The following RHPN1 variants were observed in gnomAD, a reference collection of about 807,000 sequenced individuals.
The protein encoded by RHPN1 is rhophilin-1.
In RHPN1, 77 loss-of-function variants were observed where a neutral mutation model predicts 74.7. That is an observed-to-expected ratio of 1.03 (90% CI 0.86 to 1.25). The LOEUF (loss-of-function observed/expected upper bound fraction) is 1.25. Among genes scored for constraint, RHPN1 ranks in the 50% most tolerant of loss-of-function variants. The pLI is 0.00. For missense variants in RHPN1, 987 were observed against 932.2 expected (o/e 1.06, Z -0.77); for synonymous variants, 444 against 414.5 (o/e 1.07, Z -0.87).
rs1818855052 is a variant in RHPN1 at position 143,383,177 on chromosome 8, G to A, written c.*526G>A. 2 of 177,092 alleles carry A rather than the reference G, an allele frequency of 1.1e-5. No individual in the cohort carries two copies. The highest frequency in any genetic ancestry group is 2.4e-5 in the African/African-American group (1 of 41,882). 11.0% of individuals were successfully genotyped at this position (177,092 alleles called of 1,614,324 possible). A position where few individuals can be genotyped will look rare whatever the true frequency, so the allele number is the denominator to read the frequency against. On this transcript the variant is annotated 3_prime_UTR_variant, in exon 15 of 15. Coordinates refer to ENST00000289013, the MANE Select transcript of RHPN1 (RefSeq NM_052924.3). ...CAAAATACTTCCTGCTGTCCTGTCT[G>A]TGCACAGAGCAAGGGACTCCCCACC...
rs754428801 is a variant in RHPN1 at position 143,381,703 on chromosome 8, A to G, written c.1620A>G (p.Pro540=). 1.2e-6 allele frequency: 2 copies of G among 1,610,880 alleles called. No homozygotes were observed. ...CTGTCCTCATCGCTGCCGTCATTCC[A>G]GGGAGCCAGGCCGCGGTAAGGGCCC... The part of the protein sequence containing the change: ...DSPVLIAAVI[P]GSQAAAAGLK... The change falls in exon 13 of 15, where the codon CCA becomes CCG. Residue 540 remains proline, a synonymous_variant. Coordinates refer to ENST00000289013, the MANE Select transcript of RHPN1 (RefSeq NM_052924.3).
In RHPN1 at chr8:143,380,825, A is replaced by G. The variant is rs754715397; in HGVS notation, c.1411+42A>G. On this transcript the variant is annotated intron_variant, in intron 11 of 14. Transcript: ENST00000289013. ...TGTCTGGGTGGCTGCATCCCTGGCC[A>G]GGGTGGGGGCCTTCGTCCTGGAGAA... 3.4e-6 allele frequency: 5 copies of G among 1,454,130 alleles called. No homozygotes were observed. In the South Asian group the frequency reaches 5.5e-5, roughly 16 times the overall value. 90.1% of individuals were successfully genotyped at this position (1,454,130 alleles called of 1,614,324 possible). A position where few individuals can be genotyped will look rare whatever the true frequency, so the allele number is the denominator to read the frequency against.
In RHPN1 at chr8:143,382,703, C is replaced by A; in HGVS notation, c.*52C>A. Reference sequence around the variant, plus strand: ...CCTGGCTCCAGCTGGCAGCAAGCACCGAGCATGCCCTCCCCACCCAGAGGA... The same window carrying A: ...CCTGGCTCCAGCTGGCAGCAAGCACAGAGCATGCCCTCCCCACCCAGAGGA... On this transcript the variant is annotated 3_prime_UTR_variant, in exon 15 of 15. Coordinates refer to ENST00000289013, the MANE Select transcript of RHPN1 (RefSeq NM_052924.3). The A allele has an allele frequency of 6.8e-7, 1 of 1,475,596 alleles. No homozygotes were observed. Among genetic ancestry groups the A allele is most frequent in the Admixed American group, 1.9e-5 (1 of 53,984 alleles). The allele number at this position is 1,475,596 out of a possible 1,614,324, so 91.4% of individuals were successfully genotyped here.
upstream of RHPN1, among the ~76,000 whole-genome samples, chr8:143,364,871 T>C (rs372764897): frequency 1.4e-4 from 21 of 152,330 alleles, no homozygotes; most frequent in African/African-American, 4.8e-4. The surrounding 1 kb of genome is among the most constrained non-coding windows in gnomAD (Gnocchi z 4.5). Flanking sequence ...AGATGATGCA[T>C]TGGTGGCTAT....
At chr8:143,381,384 G>A (rs766475791) in intron 12 of RHPN1, 40 bp downstream of exon 12, 2 of 1,566,068 alleles carry the variant, frequency 1.3e-6, no homozygotes, top group Admixed American at 1.8e-5. Context: ...AGCATGGGCA[G>A]CTTGGGCTGT....
At chr8:143,366,636 A>C (rs1817562274), upstream of RHPN1, 1 of 152,174 alleles carries the variant, frequency 6.6e-6, no homozygotes, top group Non-Finnish European at 1.5e-5. Flanking sequence ...ATAAATAAAT[A>C]AAGAAAATAG....
intron 4 of RHPN1, among the ~76,000 whole-genome samples, chr8:143,377,765 C>T (rs1167371500): frequency 1.3e-5 from 2 of 152,204 alleles, no homozygotes; most frequent in East Asian, 3.9e-4. Context: ...CCAGCCGGAG[C>T]ACAGGGTACA....
In RHPN1 at chr8:143,368,964, A is replaced by ACCCCCAGCGC; in HGVS notation, c.-23_-14dup. On this transcript the variant is annotated 5_prime_UTR_variant, in exon 1 of 15. Transcript: ENST00000289013. ...GCGGCGGGCTGGCTGACCCCGAGGG[A>ACCCCCAGCGC]CCCCCAGCGCAGCGGGTGCGGCGAT... is the stretch of plus-strand genomic sequence containing the variant. The ACCCCCAGCGC allele has an allele frequency of 6.8e-7, 1 of 1,462,282 alleles. No homozygotes were observed. The highest frequency in any genetic ancestry group is 1.5e-5 in the African/African-American group (1 of 67,030). 90.6% of individuals were successfully genotyped at this position (1,462,282 alleles called of 1,614,324 possible). A position where few individuals can be genotyped will look rare whatever the true frequency, so the allele number is the denominator to read the frequency against.
At position 143,378,356 on chromosome 8, in the gene RHPN1, T is replaced by TCCCCA; in HGVS notation, c.459+14_459+15insACCCC. 5 of 1,525,440 alleles carry TCCCCA rather than the reference T, an allele frequency of 3.3e-6. No homozygotes were observed. The highest frequency in any genetic ancestry group is 1.2e-5 in the South Asian group (1 of 83,568). The allele number at this position is 1,525,440 out of a possible 1,614,324, so 94.5% of individuals were successfully genotyped here. On this transcript the variant is annotated intron_variant, in intron 5 of 14. Coordinates refer to ENST00000289013, the MANE Select transcript of RHPN1 (RefSeq NM_052924.3). ...GGAGGCCCTGCGGCAGGTGTGTGGTTCCCCCGCCCACCCACCCTCCTGCAG... is the reference window on the plus strand; with the variant it reads ...GGAGGCCCTGCGGCAGGTGTGTGGTTCCCCACCCCCGCCCACCCACCCTCCTGCAG...
chr8:143,371,871 C>G (rs1329251153), intron 1 of RHPN1, among the ~76,000 whole-genome samples: 1 of 152,198 alleles, frequency 6.6e-6, no homozygotes, highest in Non-Finnish European at 1.5e-5. Flanking sequence ...GCCTGAACGC[C>G]TGTGTCTATG....
At chr8:143,364,397 G>C (rs1415095047), upstream of RHPN1, among the ~76,000 whole-genome samples, 1 of 150,236 alleles carries the variant, frequency 6.7e-6, no homozygotes, top group Non-Finnish European at 1.5e-5. The surrounding 1 kb of genome is among the most constrained non-coding windows in gnomAD (Gnocchi z 4.5). Context: ...AGCCTGGGAA[G>C]GTCCCTCAGC....
chr8:143,380,390 TG>T, intron 10 of RHPN1, 198 bp from the exon 11 acceptor site: 1 of 650,810 alleles, frequency 1.5e-6, no homozygotes, highest in Non-Finnish European at 2.6e-6. Flanking sequence ...GGGAGACCAC[TG>T]GGAGCAGCTC....
At chr8:143,376,952 GTGTC>G (rs939861065) in intron 3 of RHPN1, among the ~76,000 whole-genome samples, 20 of 146,472 alleles carry the variant, frequency 1.4e-4, no homozygotes, top group South Asian at 1.0e-3. Context: ...CTCTGTGCGT[GTGTC>G]TGTGTGCACG....
At chr8:143,378,402 G>A (rs1818437406) in intron 5 of RHPN1, 56 bp downstream of exon 5, 2 of 1,116,234 alleles carry the variant, frequency 1.8e-6, no homozygotes, top group African/African-American at 1.7e-5. Flanking sequence ...CACATGCGGA[G>A]GCTGAAGCTG....
intron 8 of RHPN1, 140 bp downstream of exon 8, chr8:143,379,648 G>T (rs1001381928): frequency 2.1e-5 from 31 of 1,444,026 alleles, no homozygotes; most frequent in Non-Finnish European, 2.7e-5. Flanking sequence ...TCCCTGGGGG[G>T]GCTGGTCAGG....
Position 143,377,473 on chromosome 8 carries a change from A to G in RHPN1, c.381+18A>G. 1 of 1,597,962 alleles carries G rather than the reference A, an allele frequency of 6.3e-7. No individual in the cohort carries two copies. The highest frequency in any genetic ancestry group is 1.3e-5 in the African/African-American group (1 of 74,674). Reference sequence around the variant, plus strand: ...CGCTGAAGGTAGGTACTGGCCTCCAAGCTCTGAGATACACGGCCCTGCCCT... The same window carrying G: ...CGCTGAAGGTAGGTACTGGCCTCCAGGCTCTGAGATACACGGCCCTGCCCT... On this transcript the variant is annotated intron_variant, in intron 4 of 14. Transcript: ENST00000289013.
Position 143,378,771 on chromosome 8 carries a change from G to A in RHPN1, c.535G>A (p.Asp179Asn). Residue 179 changes from aspartate to asparagine, a missense_variant, in exon 6 of 15, where the codon GAT becomes AAT. Physicochemically the swap from Asp to Asn is conservative, Grantham distance 23 (BLOSUM62 1). Transcript: ENST00000289013. ...CTATTACAACCAGCTGTGCTTCCTGGATGCGCGCTTCCTCACCCCTGCCAG... is the reference window on the plus strand; with the variant it reads ...CTATTACAACCAGCTGTGCTTCCTGAATGCGCGCTTCCTCACCCCTGCCAG... ...TAYYNQLCFL[D>N]ARFLTPARSL... 1.0e-5 allele frequency: 16 copies of A among 1,574,838 alleles called. No individual in the cohort carries two copies. The highest frequency in any genetic ancestry group is 1.4e-5 in the Non-Finnish European group (16 of 1,160,610).
At position 143,384,108 on chromosome 8, in the gene RHPN1, C is replaced by T. The variant is rs1411103927; in HGVS notation, c.*1457C>T. On this transcript the variant is annotated 3_prime_UTR_variant, in exon 15 of 15. Coordinates refer to ENST00000289013, the MANE Select transcript of RHPN1 (RefSeq NM_052924.3). Reference sequence around the variant, plus strand: ...AACCTGCCTGAGCCGGGGTGGGGGTCCAGGTCCCCCACTTGCCCTTGTGGG... The same window carrying T: ...AACCTGCCTGAGCCGGGGTGGGGGTTCAGGTCCCCCACTTGCCCTTGTGGG... 1.3e-5 allele frequency: 2 copies of T among 152,154 alleles called. No homozygotes were observed. Among genetic ancestry groups the T allele is most frequent in the African/African-American group, 4.8e-5 (2 of 41,448 alleles). The allele number at this position is 152,154 out of a possible 1,614,324, so 9.4% of individuals were successfully genotyped here. A position where few individuals can be genotyped will look rare whatever the true frequency, so the allele number is the denominator to read the frequency against.
rs1469639018 is a variant in RHPN1 at position 143,378,307 on chromosome 8, C to G, written c.420C>G (p.Ser140=). The change falls in exon 5 of 15, where the codon TCC becomes TCG. Residue 140 remains serine (S), a synonymous_variant. Transcript: ENST00000289013. ...TGCACTTTGGAGAGGACGGCGCCTC[C>G]TACGAGGCAGAAATCAGGGAGCTGG... The part of the protein sequence containing the change: ...ISVHFGEDGA[S]YEAEIRELEA... The G allele has an allele frequency of 1.3e-6, 2 of 1,570,722 alleles. No individual in the cohort carries two copies. The highest frequency in any genetic ancestry group is 4.7e-5 in the East Asian group (2 of 42,306).
Sources: gnomAD v4.1 joint callset for allele counts (sites outside exome capture counted in the v4.1 genomes callset) on GRCh38, gnomAD v4.1.1 for gene constraint, Gnocchi (gnomAD v3.1) non-coding constraint, MANE v1.5 for transcripts, NCBI Gene and HGNC (gene_info 2026-07-23, HGNC 2026-07-21) for gene names.